Variants in SLFN12L observed in about 807,000 individuals in gnomAD.
SLFN12L encodes the protein schlafen family member 12-like.
Under a neutral mutation model 34.8 loss-of-function variants are expected in SLFN12L, and 34 were observed. That is an observed-to-expected ratio of 0.98 (90% CI 0.74 to 1.30). The LOEUF is 1.30. Among genes scored for constraint, SLFN12L ranks in the 50% most tolerant of loss-of-function variants. The pLI is 0.00. For missense variants in SLFN12L, 703 were observed against 696.2 expected (o/e 1.01, Z -0.11); for synonymous variants, 259 against 247.5 (o/e 1.05, Z -0.44).
chr17:35,508,972 A>C (rs1915553419), intron 2 of SLFN12L, among the ~76,000 whole-genome samples: 1 of 152,234 alleles, frequency 6.6e-6, no homozygotes, highest in South Asian at 2.1e-4. Flanking sequence ...ACTGAAAACT[A>C]GCTCTGTGAC....
intron 2 of SLFN12L, among the ~76,000 whole-genome samples, chr17:35,515,866 A>G (rs1257213173): frequency 6.7e-6 from 1 of 149,516 alleles, no homozygotes; most frequent in Non-Finnish European, 1.5e-5. Flanking sequence ...CTGGTCTCGA[A>G]CTCCTGACCT....
intron 2 of SLFN12L, chr17:35,515,021 C>T (rs1191023174): frequency 1.9e-6 from 1 of 527,384 alleles, no homozygotes; most frequent in African/African-American, 1.9e-5. Context: ...GGTCAGCTAA[C>T]TTGGAAAGCT....
In SLFN12L at chr17:35,466,769, G is replaced by A. The variant is rs1490577061; in HGVS notation, c.*8154C>T. ...TCCTTTACTGAAGAGACTTTAACAA[G>A]CTCTACTCATGCCTCCTAAAGTCTA... On this transcript the variant is annotated 3_prime_UTR_variant, in exon 5 of 5. Coordinates refer to ENST00000628453, the MANE Select transcript of SLFN12L (RefSeq NM_001363830.2). Among the ~76,000 whole-genome samples the A allele has an allele frequency of 6.6e-6, 1 of 152,134 alleles. No individual in the cohort carries two copies. The highest frequency in any genetic ancestry group is 1.5e-5 in the Non-Finnish European group (1 of 68,030).
chr17:35,535,633 T>A (rs1053705089), intron 1 of SLFN12L, among the ~76,000 whole-genome samples: 1 of 151,784 alleles, frequency 6.6e-6, no homozygotes, highest in African/African-American at 2.4e-5. Flanking sequence ...ACTACAGGTG[T>A]ACGCCACCAT....
intron 2 of SLFN12L, chr17:35,499,086 C>A: frequency 1.2e-6 from 1 of 836,218 alleles, no homozygotes; most frequent in Non-Finnish European, 2.0e-6. Flanking sequence ...CTGTATAAAA[C>A]TTTGGAGCTT....
intron 3 of SLFN12L, among the ~76,000 whole-genome samples, chr17:35,478,759 T>A (rs1181526660): frequency 1.3e-5 from 2 of 152,078 alleles, no homozygotes; most frequent in Non-Finnish European, 2.9e-5. Context: ...AGCAAGCAAG[T>A]AAAAGAGTAA....
rs1197482181 is a variant in SLFN12L, at chr17:35,469,338, AAT to A, written c.*5583_*5584del. Among the ~76,000 whole-genome samples the A allele has an allele frequency of 0.035, 3,345 of 95,450 alleles. 129 individuals are homozygous for A. The highest frequency in any genetic ancestry group is 0.1 in the African/African-American group (3,024 of 29,632). 62.6% of individuals were successfully genotyped at this position (95,450 alleles called of 152,430 possible). A position where few individuals can be genotyped will look rare whatever the true frequency, so the allele number is the denominator to read the frequency against. On this transcript the variant is annotated 3_prime_UTR_variant, in exon 5 of 5. Coordinates refer to ENST00000628453, the MANE Select transcript of SLFN12L (RefSeq NM_001363830.2). ...ATATTATATATATAAATATATATAT[AAT>A]ATATATATATATGTATTTCAAACTT...
chr17:35,490,986 T>C, intron 2 of SLFN12L: 1 of 787,190 alleles, frequency 1.3e-6, no homozygotes. Flanking sequence ...GATTGCTCAA[T>C]TTCTATGGGA....
intron 1 of SLFN12L, among the ~76,000 whole-genome samples, chr17:35,530,424 A>G (rs1218384919): frequency 0.014 from 92 of 6,666 alleles, 12 homozygotes; most frequent in African/African-American, 0.026. Flanking sequence ...GAAGGAAGGA[A>G]GGAAGGGAAG....
rs1433244007 is a variant in SLFN12L at position 35,522,538 on chromosome 17, C to T, written c.-174G>A. On this transcript the variant is annotated 5_prime_UTR_variant, in exon 2 of 5. It adds an upstream start codon to the 5' untranslated region. Transcript: ENST00000628453. ...GACCTGAAGCCGAGCAAGACAATCA[C>T]GAGGGACTGCAGCAGGGCTTCCAAT... 5.0e-6 allele frequency: 8 copies of T among 1,611,586 alleles called. No individual in the cohort carries two copies. In the East Asian group the frequency reaches 1.1e-4, roughly 22 times the overall value.
chr17:35,521,966 G>A (rs962131864), intron 2 of SLFN12L, among the ~76,000 whole-genome samples: 4 of 152,146 alleles, frequency 2.6e-5, no homozygotes, highest in East Asian at 3.9e-4. Context: ...ACCGGGGCCT[G>A]TTGTGGGGTG....
rs558771300 is a variant in SLFN12L at position 35,498,807 on chromosome 17, G to C, written c.87-18612C>G. The C allele has an allele frequency of 2.2e-5, 19 of 867,760 alleles. No homozygotes were observed. The South Asian group carries it at 2.7e-4, about 12-fold the overall frequency. The allele number at this position is 867,760 out of a possible 1,614,324, so 53.8% of individuals were successfully genotyped here. A position where few individuals can be genotyped will look rare whatever the true frequency, so the allele number is the denominator to read the frequency against. On this transcript the variant is annotated intron_variant, in intron 2 of 4. Transcript: ENST00000628453. Reference sequence around the variant, plus strand: ...AATGTTTATCTTACTTATTCATCTTGATGTGCAGCCTGCCAAGACAACAGA... The same window carrying C: ...AATGTTTATCTTACTTATTCATCTTCATGTGCAGCCTGCCAAGACAACAGA...
At chr17:35,491,560 C>G (rs1472249265) in intron 2 of SLFN12L, among the ~76,000 whole-genome samples, 2 of 152,172 alleles carry the variant, frequency 1.3e-5, no homozygotes, top group African/African-American at 2.4e-5. Context: ...CCTTCCTCCC[C>G]GGATTGGCTT....
At chr17:35,485,930 G>A (rs1597840038) in intron 2 of SLFN12L, among the ~76,000 whole-genome samples, 2 of 152,208 alleles carry the variant, frequency 1.3e-5, no homozygotes, top group South Asian at 4.1e-4. Flanking sequence ...GTAATGTGGT[G>A]TAAGGCTCCC....
chr17:35,483,575 A>G (rs979036476), intron 2 of SLFN12L, among the ~76,000 whole-genome samples: 6 of 152,212 alleles, frequency 3.9e-5, no homozygotes, highest in African/African-American at 1.4e-4. Context: ...AATTTCTGTT[A>G]TTTATAAGTC....
intron 2 of SLFN12L, chr17:35,490,709 C>G (rs965444358): frequency 1.2e-5 from 16 of 1,324,320 alleles, no homozygotes; most frequent in Non-Finnish European, 1.5e-5. Context: ...CAAAGGTTAG[C>G]TTACGTTACA....
chr17:35,494,275 A>AT (rs1354662863), intron 2 of SLFN12L, among the ~76,000 whole-genome samples: 1 of 152,126 alleles, frequency 6.6e-6, no homozygotes, highest in Non-Finnish European at 1.5e-5. Context: ...TTGTAAACAG[A>AT]TTTGTTACAG....
At position 35,479,928 on chromosome 17, in the gene SLFN12L, C is replaced by A. The variant is rs189776946; in HGVS notation, c.354G>T (p.Gly118=). Residue 118 remains glycine, a synonymous_variant, in exon 3 of 5, where the codon GGG becomes GGT. Coordinates refer to ENST00000628453, the MANE Select transcript of SLFN12L (RefSeq NM_001363830.2). ...TACTAAAAGAATTTTCCAAATCTAG[C>A]CCTATTCCATCTTTTTTATAACTAT... is the stretch of plus-strand genomic sequence containing the variant. ...KGYSYKKDGI[G]LDLENSFSNM... is the part of the protein sequence containing the mutation. The A allele has an allele frequency of 2.4e-5, 39 of 1,614,052 alleles. No individual in the cohort carries two copies. In the Admixed American group the frequency reaches 3.7e-4, roughly 15 times the overall value.
intron 2 of SLFN12L, among the ~76,000 whole-genome samples, chr17:35,484,760 T>G (rs1914508689): frequency 6.6e-6 from 1 of 152,182 alleles, no homozygotes; most frequent in African/African-American, 2.4e-5. Flanking sequence ...GCCAGGATGG[T>G]GCTGATAATG....
Sources: allele counts gnomAD v4.1 joint callset (sites outside exome capture counted in the v4.1 genomes callset), GRCh38; gene constraint gnomAD v4.1.1; transcripts MANE v1.5; gene names NCBI Gene and HGNC (gene_info 2026-07-23, HGNC 2026-07-21).